FBXL17: variants seen among roughly 807,000 people sequenced by gnomAD.
The protein encoded by FBXL17 is F-box and leucine rich repeat protein 17, also known as F-box/LRR-repeat protein 17.
A neutral mutation model predicts 66.2 loss-of-function variants in FBXL17; 22 were observed. The ratio of observed to expected loss-of-function variants is 0.33; its 90% CI spans 0.24 to 0.47. The LOEUF (loss-of-function observed/expected upper bound fraction) is 0.47, where lower values mean the gene tolerates loss of function less well. Ranked by LOEUF, FBXL17 falls within the 20% of genes least tolerant of loss-of-function variation. FBXL17 has a pLI of 1.00. For missense variants in FBXL17, 878 were observed against 948.2 expected (o/e 0.93, Z 0.97); for synonymous variants, 474 against 400.5 (o/e 1.18, Z -2.19).
Position 108,381,158 on chromosome 5 carries a change from G to T in FBXL17, c.534C>A (p.Leu178=). The change falls in exon 1 of 9, where the codon CTC becomes CTA. Residue 178 remains leucine, a synonymous_variant. Transcript: ENST00000542267. The stretch of plus-strand genomic sequence containing the variant: ...CCGGTGACGGTGTCGGCCCCCGGAA[G>T]AGCTGCACGGCGGCGGGCGGCCCCA... The part of the protein sequence containing the change: ...RFLGPPAAVQ[L]FRGPTPSPAE... The T allele has an allele frequency of 2.1e-6, 3 of 1,419,400 alleles. No homozygotes were observed. Among genetic ancestry groups the T allele is most frequent in the Non-Finnish European group, 2.8e-6 (3 of 1,088,746 alleles). The allele number at this position is 1,419,400 out of a possible 1,614,324, so 87.9% of individuals were successfully genotyped here. A position where few individuals can be genotyped will look rare whatever the true frequency, so the allele number is the denominator to read the frequency against.
At chr5:108,362,806 A>G (rs1249797188) in intron 3 of FBXL17, among the ~76,000 whole-genome samples, 1 of 152,112 alleles carries the variant, frequency 6.6e-6, no homozygotes, top group Non-Finnish European at 1.5e-5. Context: ...TATCCGCTAA[A>G]GTCAATCAAA....
intron 5 of FBXL17, among the ~76,000 whole-genome samples, chr5:108,217,714 T>G (rs1308413386): frequency 2.0e-5 from 3 of 152,228 alleles, no homozygotes; most frequent in Non-Finnish European, 1.5e-5. Context: ...ACTATAGATC[T>G]CTTGAACTTA....
At chr5:107,961,812 T>C (rs1055626333) in intron 7 of FBXL17, among the ~76,000 whole-genome samples, 14 of 152,196 alleles carry the variant, frequency 9.2e-5, no homozygotes, top group Non-Finnish European at 1.6e-4. Context: ...GCTAAACTTT[T>C]TTATTTCAAA....
intron 7 of FBXL17, among the ~76,000 whole-genome samples, chr5:108,007,177 A>G (rs1370798629): frequency 6.6e-6 from 1 of 152,306 alleles, no homozygotes; most frequent in African/African-American, 2.4e-5. Context: ...TACTGGCAGA[A>G]AGCAAGCTTT....
chr5:108,155,399 C>T (rs999726467), intron 6 of FBXL17, among the ~76,000 whole-genome samples: 1 of 152,078 alleles, frequency 6.6e-6, no homozygotes. Flanking sequence ...CCTGTAATCC[C>T]AGCTACTCAG....
chr5:107,944,772 T>G (rs1751224973), intron 7 of FBXL17, among the ~76,000 whole-genome samples: 2 of 152,128 alleles, frequency 1.3e-5, no homozygotes, highest in African/African-American at 4.8e-5. Context: ...TATCCAATTT[T>G]TTAAAAGACT....
At chr5:108,180,649 T>G (rs1752964821) in intron 6 of FBXL17, among the ~76,000 whole-genome samples, 1 of 152,176 alleles carries the variant, frequency 6.6e-6, no homozygotes, top group African/African-American at 2.4e-5. Context: ...TCTCCAAATT[T>G]TAGAGTGTGC....
chr5:107,883,384 G>A (rs1748857995), intron 7 of FBXL17, among the ~76,000 whole-genome samples: 1 of 152,102 alleles, frequency 6.6e-6, no homozygotes, highest in South Asian at 2.1e-4. Context: ...GCCACCAGTG[G>A]TGGAACTGCA....
chr5:108,233,109 TGTC>T (rs1755440998), intron 4 of FBXL17, among the ~76,000 whole-genome samples: 1 of 152,076 alleles, frequency 6.6e-6, no homozygotes, highest in African/African-American at 2.4e-5. Flanking sequence ...TTGGGTCATT[TGTC>T]TTACTAAGTT....
Position 108,077,188 on chromosome 5 carries a change from C to T in FBXL17, c.1746-56187G>A, listed in dbSNP as rs149923461. 3.3e-3 allele frequency among the ~76,000 whole-genome samples: 496 copies of T among 152,314 alleles called. 7 individuals carry two copies. Among genetic ancestry groups the T allele is most frequent in the Admixed American group, 0.029 (441 of 15,294 alleles). The stretch of plus-strand genomic sequence containing the variant: ...CAAAAGTCTAATCTGAGATTCCTTA[C>T]GCATTTTCCTTATGAAAATCTTTTA... On this transcript the variant is annotated intron_variant, in intron 6 of 8. Coordinates refer to ENST00000542267, the MANE Select transcript of FBXL17 (RefSeq NM_001163315.3).
At chr5:108,169,235 A>C (rs1752520081) in intron 6 of FBXL17, among the ~76,000 whole-genome samples, 1 of 152,206 alleles carries the variant, frequency 6.6e-6, no homozygotes. Context: ...TGTGAGAAAA[A>C]TCTTGGAAAT....
intron 4 of FBXL17, chr5:108,297,986 T>A (rs1758418040): frequency 1.0e-6 from 1 of 983,108 alleles, no homozygotes; most frequent in African/African-American, 1.7e-5. Flanking sequence ...CCCAACTGAC[T>A]GAATTCTAAA....
At chr5:108,022,651 T>A (rs1004751431) in intron 6 of FBXL17, among the ~76,000 whole-genome samples, 2 of 152,154 alleles carry the variant, frequency 1.3e-5, no homozygotes, top group African/African-American at 2.4e-5. Context: ...AATGCCTGAT[T>A]CATATTTGAT....
chr5:108,126,664 C>CATATAT (rs869283993), intron 6 of FBXL17, among the ~76,000 whole-genome samples: 10 of 107,958 alleles, frequency 9.3e-5, no homozygotes, highest in African/African-American at 1.6e-4. Flanking sequence ...TATATATATA[C>CATATAT]ATATATATAT....
chr5:108,055,608 CAAAAAAAAA>C (rs55653715), intron 6 of FBXL17, among the ~76,000 whole-genome samples: 1 of 51,144 alleles, frequency 2.0e-5, no homozygotes, highest in South Asian at 1.2e-3. Flanking sequence ...GACTCTGTCT[CAAAAAAAAA>C]AAAAAAAAAA....
rs114383232 is a variant in FBXL17 at position 108,057,208 on chromosome 5, T to C, written c.1746-36207A>G. On this transcript the variant is annotated intron_variant, in intron 6 of 8. Coordinates refer to ENST00000542267, the MANE Select transcript of FBXL17 (RefSeq NM_001163315.3). ...CAGAATAATCTAGTTTACAAAAAAA[T>C]GCCTTAAATTTTTGGGCCAAACTAC... 8.7e-3 allele frequency among the ~76,000 whole-genome samples: 1,321 copies of C among 152,270 alleles called. 19 individuals carry two copies. The highest frequency in any genetic ancestry group is 0.029 in the African/African-American group (1,219 of 41,544).
intron 4 of FBXL17, among the ~76,000 whole-genome samples, chr5:108,276,818 G>A (rs533114230): frequency 1.3e-5 from 2 of 152,178 alleles, no homozygotes; most frequent in South Asian, 4.1e-4. Flanking sequence ...AATGATGTAT[G>A]GGTGGTTATT....
chr5:107,958,990 T>C (rs187476705), intron 7 of FBXL17, among the ~76,000 whole-genome samples: 17 of 152,292 alleles, frequency 1.1e-4, no homozygotes, highest in South Asian at 1.0e-3. Flanking sequence ...TAGTGAAGAA[T>C]TGAAGATCAG....
chr5:108,326,525 C>T (rs900028509), intron 4 of FBXL17, among the ~76,000 whole-genome samples: 11 of 152,140 alleles, frequency 7.2e-5, no homozygotes, highest in African/African-American at 2.2e-4. Context: ...ATCGCTTAAA[C>T]TCGGGAGGTG....
Sources: gnomAD v4.1 joint callset for allele counts (sites outside exome capture counted in the v4.1 genomes callset) on GRCh38, gnomAD v4.1.1 for gene constraint, MANE v1.5 for transcripts, NCBI Gene and HGNC (gene_info 2026-07-23, HGNC 2026-07-21) for gene names.